The following DIAPH2 variants were observed in gnomAD, a reference collection of about 807,000 sequenced individuals.
DIAPH2 encodes the protein protein diaphanous homolog 2.
In DIAPH2, 35 loss-of-function variants were observed where a neutral mutation model predicts 92.7. That is an observed-to-expected ratio of 0.38 (90% CI 0.29 to 0.50). DIAPH2 has a LOEUF of 0.50. DIAPH2 is among the 20% of genes least tolerant of loss of function. DIAPH2 has a pLI of 0.94. For synonymous variants in DIAPH2, 301 were observed against 280.4 expected (o/e 1.07, Z -0.73); for missense variants, 701 against 819.5 (o/e 0.86, Z 1.77).
intron 23 of DIAPH2, among the ~76,000 whole-genome samples, chrX:97,303,482 A>G (rs1421792350): frequency 2.7e-5 from 3 of 112,054 alleles, no homozygotes; most frequent in African/African-American, 9.7e-5. Flanking sequence ...AGCTTTCTCA[A>G]GAAAGAAGGT....
chrX:97,234,331 C>CAAAAAA (rs1182930277), intron 22 of DIAPH2, among the ~76,000 whole-genome samples: 5 of 31,168 alleles, frequency 1.6e-4, no homozygotes, highest in Admixed American at 3.9e-4. Context: ...AACTCCATCT[C>CAAAAAA]AAAAAAAAAA....
intron 22 of DIAPH2, among the ~76,000 whole-genome samples, chrX:97,187,539 G>A (rs756363550): frequency 9.1e-6 from 1 of 109,607 alleles, no homozygotes; most frequent in East Asian, 2.9e-4. Context: ...GCCTCCCAAA[G>A]TGCTGGGATT....
chrX:96,935,832 T>C (rs1367048394), intron 10 of DIAPH2, among the ~76,000 whole-genome samples: 1 of 111,892 alleles, frequency 8.9e-6, no homozygotes, highest in East Asian at 2.8e-4. Context: ...TTTTCTGAAA[T>C]ATTTGAAAGT....
Position 97,321,485 on chromosome X carries a change from C to T in DIAPH2, c.2845-26631C>T, listed in dbSNP as rs182222113. On this transcript the variant is annotated intron_variant, in intron 23 of 26. Transcript: ENST00000324765. ...CATTGCATTCAGATTTACATATATA[C>T]ATATGCATGTACGTTCACATACATT... Among the ~76,000 whole-genome samples the T allele has an allele frequency of 1.5e-4, 16 of 108,002 alleles. No homozygotes were observed. In the East Asian group the frequency reaches 3.4e-3, roughly 23 times the overall value. The allele number at this position is 108,002 out of a possible 115,157, so 93.8% of individuals were successfully genotyped here. A position where few individuals can be genotyped will look rare whatever the true frequency, so the allele number is the denominator to read the frequency against.
chrX:97,457,225 T>G (rs994316579), intron 26 of DIAPH2, among the ~76,000 whole-genome samples: 1 of 111,845 alleles, frequency 8.9e-6, no homozygotes, highest in African/African-American at 3.2e-5. Flanking sequence ...TTCACCATGT[T>G]GGCCAGGCTG....
At chrX:97,476,799 C>G (rs1293993884) in intron 26 of DIAPH2, among the ~76,000 whole-genome samples, 1 of 104,175 alleles carries the variant, frequency 9.6e-6, no homozygotes, top group Non-Finnish European at 2.0e-5. Context: ...ACAAAATTAG[C>G]CAGGTGTGGT....
chrX:97,409,226 T>C (rs1187799599), intron 25 of DIAPH2, among the ~76,000 whole-genome samples: 1 of 111,560 alleles, frequency 9.0e-6, no homozygotes, highest in Admixed American at 9.5e-5. Flanking sequence ...AATGAAAAAA[T>C]TGGGATAAGA....
At chrX:96,949,109 A>C (rs751671445) in intron 15 of DIAPH2, 70 bp downstream of exon 15, 19 of 684,933 alleles carry the variant, frequency 2.8e-5, no homozygotes, top group Non-Finnish European at 3.8e-5. Flanking sequence ...ATCTTGTTAT[A>C]TAGAAGGAAA....
intron 17 of DIAPH2, among the ~76,000 whole-genome samples, chrX:97,005,808 G>T (rs975022699): frequency 1.8e-5 from 2 of 111,216 alleles, no homozygotes; most frequent in Admixed American, 1.9e-4. Context: ...CAAAGTGCTG[G>T]GATTACAGGC....
At chrX:97,234,426 A>G (rs1377928129) in intron 22 of DIAPH2, among the ~76,000 whole-genome samples, 2 of 110,298 alleles carry the variant, frequency 1.8e-5, no homozygotes, top group African/African-American at 3.3e-5. Flanking sequence ...CCATATCCTC[A>G]TGAGAGATCT....
At chrX:97,420,140 A>T (rs1305072234) in intron 25 of DIAPH2, among the ~76,000 whole-genome samples, 1 of 111,877 alleles carries the variant, frequency 8.9e-6, no homozygotes, top group East Asian at 2.8e-4. Flanking sequence ...GAAAAAATGA[A>T]TAAGCATAAA....
chrX:97,571,543 A>T (rs1348051332), intron 26 of DIAPH2, among the ~76,000 whole-genome samples: 1 of 111,715 alleles, frequency 9.0e-6, no homozygotes, highest in African/African-American at 3.2e-5. Flanking sequence ...GAAGACAAGT[A>T]TGGTAGCTGC....
intron 22 of DIAPH2, 66 bp from the exon 23 acceptor site, chrX:97,247,649 C>T: frequency 9.7e-7 from 1 of 1,035,037 alleles, no homozygotes; most frequent in Non-Finnish European, 1.3e-6. Context: ...CTGATAATGT[C>T]TCCTTTTAGA....
intron 26 of DIAPH2, chrX:97,528,816 T>A (rs2071040823): frequency 9.0e-6 from 1 of 111,439 alleles, no homozygotes; most frequent in South Asian, 3.8e-4. Flanking sequence ...TGTCAAAGGT[T>A]GAGTCAGAGA....
chrX:96,993,818 AAAT>A (rs1206934869), intron 17 of DIAPH2, among the ~76,000 whole-genome samples: 1 of 112,227 alleles, frequency 8.9e-6, no homozygotes, highest in Non-Finnish European at 1.9e-5. Flanking sequence ...TTGCAGAGAA[AAAT>A]AATATTTGAA....
intron 23 of DIAPH2, among the ~76,000 whole-genome samples, chrX:97,304,295 C>A (rs1473310590): frequency 8.9e-6 from 1 of 111,980 alleles, no homozygotes; most frequent in Non-Finnish European, 1.9e-5. Context: ...GTAAACGTAT[C>A]ATTTGCTGTG....
intron 26 of DIAPH2, among the ~76,000 whole-genome samples, chrX:97,438,288 T>C (rs1319516361): frequency 9.3e-6 from 1 of 107,434 alleles, no homozygotes; most frequent in Non-Finnish European, 1.9e-5. Context: ...ACACCTGACC[T>C]TTTCCCATGT....
chrX:97,477,175 C>A (rs1277893516), intron 26 of DIAPH2, among the ~76,000 whole-genome samples: 1 of 100,483 alleles, frequency 1.0e-5, no homozygotes, highest in Non-Finnish European at 2.0e-5. Flanking sequence ...ACTAATAATA[C>A]AAAAATCGGC....
intron 5 of DIAPH2, among the ~76,000 whole-genome samples, chrX:96,905,609 A>T (rs972641723): frequency 9.0e-6 from 1 of 111,573 alleles, no homozygotes; most frequent in Admixed American, 9.5e-5. Flanking sequence ...TGATCAGTAT[A>T]AGTGGGTCCT....
Sources: gnomAD v4.1 joint callset for allele counts (sites outside exome capture counted in the v4.1 genomes callset) on GRCh38, gnomAD v4.1.1 for gene constraint, MANE v1.5 for transcripts, NCBI Gene and HGNC (gene_info 2026-07-23, HGNC 2026-07-21) for gene names.